Variants in CFAP54 observed in about 807,000 individuals in gnomAD.
The protein encoded by CFAP54 is cilia- and flagella-associated protein 54.
CFAP54 carries 290 observed loss-of-function variants against 370.4 expected under a neutral mutation model. The observed-to-expected ratio is 0.78, with a 90% CI of 0.71 to 0.86. The LOEUF is 0.86. CFAP54 is among the 40% of genes least tolerant of loss of function. CFAP54 has a pLI of 0.00. For missense variants in CFAP54, 3,399 were observed against 3,528.7 expected (o/e 0.96, Z 0.93); for synonymous variants, 1,206 against 1,236.5 (o/e 0.98, Z 0.52).
At chr12:96,675,651 C>T (rs1348408832) in intron 39 of CFAP54, among the ~76,000 whole-genome samples, 2 of 152,074 alleles carry the variant, frequency 1.3e-5, no homozygotes, top group Non-Finnish European at 2.9e-5. Context: ...ATGTTTATCG[C>T]AGCACTATTC....
intron 17 of CFAP54, among the ~76,000 whole-genome samples, chr12:96,558,670 C>G (rs891627162): frequency 6.6e-6 from 1 of 152,054 alleles, no homozygotes; most frequent in East Asian, 1.9e-4. Flanking sequence ...ACTGGATATT[C>G]ATATGCAAAA....
chr12:96,630,730 T>C, intron 32 of CFAP54, 79 bp downstream of exon 32: 2 of 813,244 alleles, frequency 2.5e-6, no homozygotes, highest in Non-Finnish European at 3.5e-6. Flanking sequence ...GTACTAGGGA[T>C]ACACTGGTGG....
At chr12:96,742,773 T>G (rs1958067064) in intron 52 of CFAP54, among the ~76,000 whole-genome samples, 187 bp downstream of exon 52, 1 of 152,236 alleles carries the variant, frequency 6.6e-6, no homozygotes, top group Non-Finnish European at 1.5e-5. Flanking sequence ...TCATTGAAAG[T>G]GGCTTATATC....
intron 65 of CFAP54, among the ~76,000 whole-genome samples, chr12:96,827,017 C>A (rs187136345): frequency 0.035 from 4,163 of 118,536 alleles, 231 homozygotes; most frequent in African/African-American, 0.13. Flanking sequence ...TTATAATATG[C>A]AATTATATGT....
chr12:96,647,472 C>CAAAAAAAAAAAAAAAAAAAAAA (rs57089692), intron 33 of CFAP54, among the ~76,000 whole-genome samples: 11 of 40,772 alleles, frequency 2.7e-4, no homozygotes, highest in Admixed American at 5.1e-4. Context: ...GACTCTGTCC[C>CAAAAAAAAAAAAAAAAAAAAAA]AAAAAAAAAA....
At chr12:96,580,268 G>A (rs1286083791) in intron 20 of CFAP54, among the ~76,000 whole-genome samples, 11 of 151,932 alleles carry the variant, frequency 7.2e-5, no homozygotes, top group Admixed American at 5.9e-4. Context: ...TCCATTTCCT[G>A]TGAAGCAAAA....
At chr12:96,740,346 A>C (rs924955093) in intron 51 of CFAP54, among the ~76,000 whole-genome samples, 2 of 152,228 alleles carry the variant, frequency 1.3e-5, no homozygotes, top group Non-Finnish European at 2.9e-5. Context: ...CATTATATTA[A>C]TCTAGCTTTT....
chr12:96,622,678 A>G (rs1295444409), intron 27 of CFAP54, among the ~76,000 whole-genome samples: 1 of 152,038 alleles, frequency 6.6e-6, no homozygotes, highest in East Asian at 1.9e-4. Context: ...GGGCACTAGA[A>G]ATTACTTGAA....
chr12:96,688,781 C>A, intron 42 of CFAP54, 135 bp from the exon 43 acceptor site: 1 of 480,612 alleles, frequency 2.1e-6, no homozygotes, highest in South Asian at 3.2e-5. Context: ...TATTTTCCTT[C>A]TATTTTCTTA....
chr12:96,561,617 G>A (rs1782833024), intron 17 of CFAP54, among the ~76,000 whole-genome samples: 1 of 150,652 alleles, frequency 6.6e-6, no homozygotes, highest in Non-Finnish European at 1.5e-5. Context: ...GCTAGGAAAT[G>A]GTATTTAGAA....
At chr12:96,613,786 C>T (rs1359291615) in intron 26 of CFAP54, among the ~76,000 whole-genome samples, 1 of 152,080 alleles carries the variant, frequency 6.6e-6, no homozygotes, top group East Asian at 1.9e-4. Context: ...GGATAAATTC[C>T]TGGACACATA....
rs75013196 is a variant in CFAP54 at position 96,803,743 on chromosome 12, G to T, written c.8851-7993G>T. On this transcript the variant is annotated intron_variant, in intron 63 of 67. Transcript: ENST00000524981. ...TATACACCCTCAGGAAAAAATAATT[G>T]TCCCCTACAAAAGCAATTTCATAAA... 9.5e-3 allele frequency among the ~76,000 whole-genome samples: 1,447 copies of T among 152,104 alleles called. 56 individuals are homozygous for T. In the East Asian group the frequency reaches 0.1, roughly 11 times the overall value.
At chr12:96,628,913 G>A (rs76444889) in intron 30 of CFAP54, among the ~76,000 whole-genome samples, 5 of 135,910 alleles carry the variant, frequency 3.7e-5, no homozygotes, top group South Asian at 2.4e-4. Flanking sequence ...TAGTACTTAC[G>A]AAGAAATATA....
chr12:96,583,951 G>A (rs1956053568), intron 22 of CFAP54, among the ~76,000 whole-genome samples: 1 of 152,046 alleles, frequency 6.6e-6, no homozygotes, highest in South Asian at 2.1e-4. Flanking sequence ...CTCTCCCTGT[G>A]TTGGTGTTAA....
At chr12:96,825,349 A>G (rs1422113899) in intron 65 of CFAP54, among the ~76,000 whole-genome samples, 2 of 123,350 alleles carry the variant, frequency 1.6e-5, no homozygotes, top group African/African-American at 6.4e-5. Context: ...ATATTATGTA[A>G]CATGTTATAT....
intron 19 of CFAP54, among the ~76,000 whole-genome samples, chr12:96,565,926 G>A (rs545280181): frequency 8.5e-5 from 13 of 152,262 alleles, no homozygotes; most frequent in African/African-American, 2.9e-4. Context: ...TTGAATCACG[G>A]GGGAGGTTTC....
intron 27 of CFAP54, among the ~76,000 whole-genome samples, 164 bp downstream of exon 27, chr12:96,621,885 T>G (rs1354204109): frequency 9.7e-4 from 125 of 129,230 alleles, no homozygotes; most frequent in Non-Finnish European, 1.5e-3. Flanking sequence ...GTTTTTTTTT[T>G]TTTTTTTTTT....
intron 60 of CFAP54, among the ~76,000 whole-genome samples, chr12:96,778,203 G>A (rs879331187): frequency 6.6e-6 from 1 of 152,116 alleles, no homozygotes; most frequent in Non-Finnish European, 1.5e-5. Context: ...TTTTCCATGG[G>A]TGATTACTGC....
chr12:96,759,678 G>A (rs1454506540), intron 58 of CFAP54, among the ~76,000 whole-genome samples: 1 of 152,168 alleles, frequency 6.6e-6, no homozygotes, highest in Admixed American at 6.6e-5. Flanking sequence ...CCATACAGCA[G>A]AGTGACCATA....
Sources: allele counts gnomAD v4.1 joint callset (sites outside exome capture counted in the v4.1 genomes callset), GRCh38; gene constraint gnomAD v4.1.1; transcripts MANE v1.5; gene names NCBI Gene and HGNC (gene_info 2026-07-23, HGNC 2026-07-21).